GRM6: variants seen among roughly 807,000 people sequenced by gnomAD.
The protein encoded by GRM6 is glutamate metabotropic receptor 6, also known as metabotropic glutamate receptor 6.
In GRM6, 73 loss-of-function variants were observed where a neutral mutation model predicts 78.4. The ratio of observed to expected loss-of-function variants is 0.93; its 90% confidence interval spans 0.77 to 1.13. GRM6 has a LOEUF of 1.13. Among genes scored for constraint, GRM6 ranks in the 50% most tolerant of loss-of-function variants. GRM6 has a pLI of 0.00. For missense variants in GRM6, 1,251 were observed against 1,256.4 expected (o/e 1.00, Z 0.07); for synonymous variants, 580 against 555.0 (o/e 1.05, Z -0.63).
intron 10 of GRM6, among the ~76,000 whole-genome samples, chr5:178,982,468 C>T (rs978818047): frequency 1.8e-4 from 27 of 148,592 alleles, no homozygotes; most frequent in African/African-American, 6.0e-4. Flanking sequence ...GTCCCAGCTA[C>T]GGGGGAGGCT....
At position 178,991,301 on chromosome 5, in the gene GRM6, T is replaced by TG. The variant is rs77690756; in HGVS notation, c.857+122dup. ...GACTCAGAGGCAGCAGCAGGGAAGG[T>TG]GGGGGGTGCGGGGAGCAGGGGAAAG... is the stretch of plus-strand genomic sequence containing the variant. On this transcript the variant is annotated intron_variant, in intron 4 of 10. Coordinates refer to ENST00000517717, the MANE Select transcript of GRM6 (RefSeq NM_000843.4). The surrounding 1 kb of genome is among the most constrained non-coding windows in gnomAD (Gnocchi z 5.0). 418,186 of 945,388 alleles carry TG rather than the reference T, an allele frequency of 0.44. 94,473 individuals carry two copies. The highest frequency in any genetic ancestry group is 0.55 in the Middle Eastern group (1,840 of 3,316). 58.6% of individuals were successfully genotyped at this position (945,388 alleles called of 1,614,324 possible). A position where few individuals can be genotyped will look rare whatever the true frequency, so the allele number is the denominator to read the frequency against.
rs1760539293 is a variant in GRM6 at position 178,986,194 on chromosome 5, G to A, written c.2060C>T (p.Thr687Ile). 1.2e-6 allele frequency: 2 copies of A among 1,614,102 alleles called. No individual in the cohort carries two copies. The highest frequency in any genetic ancestry group is 1.7e-6 in the Non-Finnish European group (2 of 1,179,990). Residue 687 changes from threonine (T) to isoleucine (I), a missense_variant, in exon 9 of 11, where the codon ACA becomes ATA. Transcript: ENST00000517717. The part of the protein sequence containing the change: ...RIFEQGKRSV[T>I]PPPFISPTSQ... The stretch of plus-strand genomic sequence containing the variant: ...GGTGGGGCTGATGAAGGGAGGGGGT[G>A]TGACCGAGCGCTTGCCCTGCTCAAA...
At position 178,986,531 on chromosome 5, in the gene GRM6, G is replaced by T; in HGVS notation, c.1723C>A (p.Pro575Thr). The change falls in exon 9 of 11, where the codon CCT becomes ACT. Residue 575 changes from proline to threonine, a missense_variant. Transcript: ENST00000517717. ...TPNHTGCRPT[P>T]VVRLSWSSPW... ...GAGGACCAGCTCAGGCGCACCACAG[G>T]TGTGGGGCGGCAGCCCGTGTGGTTG... 6.2e-7 allele frequency: 1 copy of T among 1,608,260 alleles called. No homozygotes were observed. The highest frequency in any genetic ancestry group is 8.5e-7 in the Non-Finnish European group (1 of 1,178,536).
rs899578695 is a variant in GRM6 at position 178,979,413 on chromosome 5, G to A, written c.*2244C>T. The A allele has an allele frequency of 6.6e-6, 1 of 152,224 alleles. No homozygotes were observed. The highest frequency in any genetic ancestry group is 1.5e-5 in the Non-Finnish European group (1 of 68,042). The allele number at this position is 152,224 out of a possible 1,614,324, so 9.4% of individuals were successfully genotyped here. ...GACAACATCTTCAGTAACAGAGGAT[G>A]TCCCCCTGTACCCAGAATGGTGCAT... is the stretch of plus-strand genomic sequence containing the variant. On this transcript the variant is annotated 3_prime_UTR_variant, in exon 11 of 11. Coordinates refer to ENST00000517717, the MANE Select transcript of GRM6 (RefSeq NM_000843.4).
chr5:178,982,999 T>A lies in GRM6; in HGVS notation c.2347A>T (p.Lys783Ter). Residue 783 changes from lysine to a stop codon, truncating the protein, a stop_gained, in exon 10 of 11, where the codon AAG (lysine) becomes TAG (stop). Coordinates refer to ENST00000517717, the MANE Select transcript of GRM6 (RefSeq NM_000843.4). LOFTEE classifies it high-confidence loss of function. ...GTGTACATGGTGAAGCCGATGGGCTTGGCCTCGTTGAAGGTCTCGGGCACG... is the reference window on the plus strand; with the variant it reads ...GTGTACATGGTGAAGCCGATGGGCTAGGCCTCGTTGAAGGTCTCGGGCACG... The part of the protein sequence containing the change: ...RGVPETFNEA[K>*]PIGFTMYTTC... 1 of 1,614,162 alleles carries A rather than the reference T, an allele frequency of 6.2e-7. No homozygotes were observed. Among genetic ancestry groups the A allele is most frequent in the Non-Finnish European group, 8.5e-7 (1 of 1,179,982 alleles).
Position 178,990,710 on chromosome 5 carries a change from G to A in GRM6, c.894C>T (p.Thr298=), listed in dbSNP as rs199833388. ...VLEAARQANL[T]GHFLWVGSDS... Reference sequence around the variant, plus strand: ...CTGAGCCGACCCACAGGAAGTGGCCGGTCAGGTTGGCCTGGCGAGCTGCCT... The same window carrying A: ...CTGAGCCGACCCACAGGAAGTGGCCAGTCAGGTTGGCCTGGCGAGCTGCCT... Residue 298 remains threonine, a synonymous_variant, in exon 5 of 11, where the codon ACC becomes ACT. Coordinates refer to ENST00000517717, the MANE Select transcript of GRM6 (RefSeq NM_000843.4). 44 of 1,587,312 alleles carry A rather than the reference G, an allele frequency of 2.8e-5. No individual in the cohort carries two copies. In the Middle Eastern group the frequency reaches 9.6e-4, roughly 35 times the overall value.
In GRM6 at chr5:178,981,697, G is replaced by A. The variant is rs768472470; in HGVS notation, c.2594C>T (p.Ala865Val). ...KRSLKATSTV[A>V]APPKGEDAEA... Reference sequence around the variant, plus strand: ...TGCATCCTCGCCCTTGGGTGGGGCTGCCACCGTGGAGGTGGCCTTGAGGCT... The same window carrying A: ...TGCATCCTCGCCCTTGGGTGGGGCTACCACCGTGGAGGTGGCCTTGAGGCT... The change falls in exon 11 of 11, where the codon GCA becomes GTA. Residue 865 changes from alanine (A) to valine (V), a missense_variant. Physicochemically the swap from Ala to Val is moderately conservative, Grantham distance 64. Transcript: ENST00000517717. This position sits in a 1 kb window ranked among gnomAD's most constrained non-coding sequence, Gnocchi z 5.1. The A allele has an allele frequency of 1.2e-6, 2 of 1,613,996 alleles. No homozygotes were observed. Among genetic ancestry groups the A allele is most frequent in the Non-Finnish European group, 1.7e-6 (2 of 1,179,852 alleles).
In GRM6 at chr5:178,983,141, G is replaced by A. The variant is rs147912967; in HGVS notation, c.2205C>T (p.Pro735=). The A allele has an allele frequency of 1.4e-5, 23 of 1,613,730 alleles. No individual in the cohort carries two copies. The highest frequency in any genetic ancestry group is 3.3e-5 in the Admixed American group (2 of 59,990). Residue 735 remains proline, a synonymous_variant, in exon 10 of 11, where the codon CCC becomes CCT. Coordinates refer to ENST00000517717, the MANE Select transcript of GRM6 (RefSeq NM_000843.4). ...ACTTGAGCACCCCTCTGGCCTGCTC[G>A]GGGTCCACCGTCCGCTGTTCCTCAT... The part of the protein sequence containing the change: ...IDYEEQRTVD[P]EQARGVLKCD...
rs1307619054 is a variant in GRM6 at position 178,988,864 on chromosome 5, C to T, written c.1354+71G>A. 7.7e-7 allele frequency: 1 copy of T among 1,304,828 alleles called. No individual in the cohort carries two copies. The highest frequency in any genetic ancestry group is 1.4e-5 in the African/African-American group (1 of 69,282). The allele number at this position is 1,304,828 out of a possible 1,614,324, so 80.8% of individuals were successfully genotyped here. A position where few individuals can be genotyped will look rare whatever the true frequency, so the allele number is the denominator to read the frequency against. ...CCCAGCCCTTCCACCCTGAGGTTGTCCCAGGCCTCACAGCAAAATCCAGCC... is the reference window on the plus strand; with the variant it reads ...CCCAGCCCTTCCACCCTGAGGTTGTTCCAGGCCTCACAGCAAAATCCAGCC... On this transcript the variant is annotated intron_variant, in intron 7 of 10. Transcript: ENST00000517717. This position sits in a 1 kb window ranked among gnomAD's most constrained non-coding sequence, Gnocchi z 6.0.
At chr5:178,984,673 C>T (rs931328567) in intron 9 of GRM6, among the ~76,000 whole-genome samples, 3 of 152,222 alleles carry the variant, frequency 2.0e-5, no homozygotes, top group South Asian at 2.1e-4. Context: ...GTGCGGCACA[C>T]GGAGACCCTG....
rs1561717366 is a variant in GRM6, at chr5:178,986,201, A to G, written c.2053T>C (p.Ser685Pro). Residue 685 changes from serine (S) to proline (P), a missense_variant, in exon 9 of 11, where the codon TCG becomes CCG. Physicochemically the swap from Ser to Pro is moderately conservative, Grantham distance 74. Transcript: ENST00000517717. ...CTGATGAAGGGAGGGGGTGTGACCGAGCGCTTGCCCTGCTCAAAGATGCGG... is the reference window on the plus strand; with the variant it reads ...CTGATGAAGGGAGGGGGTGTGACCGGGCGCTTGCCCTGCTCAAAGATGCGG... ...IYRIFEQGKRSVTPPPFISPT... is the reference protein window; with the variant it reads ...IYRIFEQGKRPVTPPPFISPT... The G allele has an allele frequency of 6.2e-7, 1 of 1,614,078 alleles. No individual in the cohort carries two copies. Among genetic ancestry groups the G allele is most frequent in the Non-Finnish European group, 8.5e-7 (1 of 1,180,000 alleles).
rs898245671 is a variant in GRM6, at chr5:178,978,519, A to C, written c.*3138T>G. 6.6e-6 allele frequency: 1 copy of C among 152,234 alleles called. No individual in the cohort carries two copies. Among genetic ancestry groups the C allele is most frequent in the Non-Finnish European group, 1.5e-5 (1 of 68,040 alleles). 9.4% of individuals were successfully genotyped at this position (152,234 alleles called of 1,614,324 possible). A position where few individuals can be genotyped will look rare whatever the true frequency, so the allele number is the denominator to read the frequency against. ...AGTGAGACAGCCTAAGAAAATGGTT[A>C]CTATACAGAAGCTCTTCTGTAGAAG... On this transcript the variant is annotated 3_prime_UTR_variant, in exon 11 of 11. Coordinates refer to ENST00000517717, the MANE Select transcript of GRM6 (RefSeq NM_000843.4).
At position 178,988,747 on chromosome 5, in the gene GRM6, G is replaced by A. The variant is rs1442049302; in HGVS notation, c.1354+188C>T. ...CCAGCGCAGGGAACACTGAAGCCTG[G>A]GGAGGGAGCAGTGTTAAAAATTGGG... On this transcript the variant is annotated intron_variant, in intron 7 of 10. Transcript: ENST00000517717. The surrounding 1 kb of genome is among the most constrained non-coding windows in gnomAD (Gnocchi z 6.0). 6.6e-6 allele frequency among the ~76,000 whole-genome samples: 1 copy of A among 152,266 alleles called. No individual in the cohort carries two copies. Among genetic ancestry groups the A allele is most frequent in the African/African-American group, 2.4e-5 (1 of 41,558 alleles).
At chr5:178,982,226 C>T (rs993729370) in intron 10 of GRM6, among the ~76,000 whole-genome samples, 17 of 152,126 alleles carry the variant, frequency 1.1e-4, no homozygotes, top group Non-Finnish European at 2.9e-5. Context: ...AATATTCTGC[C>T]GCATACGTGA....
In GRM6 at chr5:178,992,485, G is replaced by C. The variant is rs75619984; in HGVS notation, c.505-402C>G. On this transcript the variant is annotated intron_variant, in intron 2 of 10. Coordinates refer to ENST00000517717, the MANE Select transcript of GRM6 (RefSeq NM_000843.4). This position sits in a 1 kb window ranked among gnomAD's most constrained non-coding sequence, Gnocchi z 4.9. ...AGCACGTTTTCTTGATTCACACCAA[G>C]GGGTGGTCCGCAGGGACAGGCAGCC... is the stretch of plus-strand genomic sequence containing the variant. The C allele has an allele frequency of 3.1e-3, 1,130 of 364,296 alleles. 6 individuals are homozygous for C. Among genetic ancestry groups the C allele is most frequent in the Non-Finnish European group, 4.8e-3 (879 of 183,176 alleles). 22.6% of individuals were successfully genotyped at this position (364,296 alleles called of 1,614,324 possible). A position where few individuals can be genotyped will look rare whatever the true frequency, so the allele number is the denominator to read the frequency against.
chr5:178,991,758 C>T lies in GRM6; in HGVS notation c.721+109G>A. The stretch of plus-strand genomic sequence containing the variant: ...CCCACATGGAGCACCAGCCAGGCAA[C>T]CTCGGCCCAGCATGGACCTGGGCCC... On this transcript the variant is annotated intron_variant, in intron 3 of 10. Transcript: ENST00000517717. This position sits in a 1 kb window ranked among gnomAD's most constrained non-coding sequence, Gnocchi z 5.0. The T allele has an allele frequency of 1.7e-6, 2 of 1,168,852 alleles. No individual in the cohort carries two copies. Among genetic ancestry groups the T allele is most frequent in the Non-Finnish European group, 2.5e-6 (2 of 792,320 alleles). 72.4% of individuals were successfully genotyped at this position (1,168,852 alleles called of 1,614,324 possible).
In GRM6 at chr5:178,986,584, G is replaced by A. The variant is rs1561717878; in HGVS notation, c.1670C>T (p.Ala557Val). 1.2e-6 allele frequency: 2 copies of A among 1,606,578 alleles called. No homozygotes were observed. The highest frequency in any genetic ancestry group is 1.7e-6 in the Non-Finnish European group (2 of 1,179,866). ...RFQVDEFTCE[A>V]CPGDMRPTPN... ...CGTGGGCCTCATGTCCCCAGGACAG[G>A]CCTCGCATGTGAACTCGTCCACCTG... Residue 557 changes from alanine (A) to valine (V), a missense_variant, in exon 9 of 11, where the codon GCC becomes GTC. Coordinates refer to ENST00000517717, the MANE Select transcript of GRM6 (RefSeq NM_000843.4).
At chr5:178,985,701 T>TCAAAAAAAG in intron 9 of GRM6, 1 of 346,348 alleles carries the variant, frequency 2.9e-6, no homozygotes, top group East Asian at 8.4e-5. Flanking sequence ...AGACTCTGTC[T>TCAAAAAAAG]AAAAAAAAAA....
intron 4 of GRM6, 21 bp from the exon 5 acceptor site, chr5:178,990,767 G>T: frequency 6.4e-7 from 1 of 1,550,404 alleles, no homozygotes; most frequent in South Asian, 1.2e-5. Context: ...CAGGGCTGGG[G>T]TGAGGGAGGG....
Sources: gnomAD v4.1 joint callset for allele counts (sites outside exome capture counted in the v4.1 genomes callset) on GRCh38, gnomAD v4.1.1 for gene constraint, Gnocchi (gnomAD v3.1) non-coding constraint, MANE v1.5 for transcripts, NCBI Gene and HGNC (gene_info 2026-07-23, HGNC 2026-07-21) for gene names.